MTX3: variants seen among roughly 807,000 people sequenced by gnomAD.
The protein encoded by MTX3 is metaxin-3.
In MTX3, 27 loss-of-function variants were observed where a neutral mutation model predicts 42.5. That is an observed-to-expected ratio of 0.64 (90% CI 0.47 to 0.88). MTX3 has a LOEUF of 0.88. MTX3 is among the 40% of genes least tolerant of loss of function. The probability of loss-of-function intolerance (pLI) is 0.00; values close to 1 mark genes in which losing one functional copy is unlikely to be tolerated. For synonymous variants in MTX3, 144 were observed against 132.9 expected (o/e 1.08, Z -0.57); for missense variants, 378 against 367.0 (o/e 1.03, Z -0.25).
At position 79,977,952 on chromosome 5, in the gene MTX3, A is replaced by C. The variant is rs1332978042; in HGVS notation, c.*5732T>G. The C allele has an allele frequency of 1.3e-5, 2 of 152,172 alleles. No homozygotes were observed. Among genetic ancestry groups the C allele is most frequent in the Admixed American group, 6.5e-5 (1 of 15,276 alleles). 9.4% of individuals were successfully genotyped at this position (152,172 alleles called of 1,614,324 possible). ...AATACAAGTTGGTTCCCTCTGTCTC[A>C]TGGATGCTTAGGAACTGGGTAGTCT... is the stretch of plus-strand genomic sequence containing the variant. On this transcript the variant is annotated 3_prime_UTR_variant, in exon 9 of 9. Coordinates refer to ENST00000512528, the MANE Select transcript of MTX3 (RefSeq NM_001363818.2).
At chr5:79,984,656 G>A (rs1831448853) in intron 8 of MTX3, among the ~76,000 whole-genome samples, 1 of 150,464 alleles carries the variant, frequency 6.6e-6, no homozygotes, top group Non-Finnish European at 1.5e-5. Context: ...TCAGTTACAG[G>A]GGAAAAAATA....
chr5:79,983,151 T>A lies in MTX3; in HGVS notation c.*533A>T. The stretch of plus-strand genomic sequence containing the variant: ...AGAGCATAATTAAAAAGCACATTCC[T>A]CCTCACTTTTTAAAGTTAAATATGG... On this transcript the variant is annotated 3_prime_UTR_variant, in exon 9 of 9. Transcript: ENST00000512528. The A allele has an allele frequency of 6.4e-6, 1 of 155,206 alleles. No individual in the cohort carries two copies. The highest frequency in any genetic ancestry group is 3.4e-3 in the Middle Eastern group (1 of 296). The allele number at this position is 155,206 out of a possible 1,614,324, so 9.6% of individuals were successfully genotyped here.
chr5:79,985,760 GC>G, intron 7 of MTX3, 101 bp from the exon 8 acceptor site: 1 of 707,980 alleles, frequency 1.4e-6, no homozygotes, highest in Non-Finnish European at 2.3e-6. Flanking sequence ...CCTGTCCAGT[GC>G]CCCACCCTCC....
In MTX3 at chr5:79,991,224, C is replaced by T; in HGVS notation, c.15G>A (p.Leu5=). The T allele has an allele frequency of 6.8e-7, 1 of 1,461,382 alleles. No individual in the cohort carries two copies. The highest frequency in any genetic ancestry group is 9.1e-7 in the Non-Finnish European group (1 of 1,102,494). The allele number at this position is 1,461,382 out of a possible 1,614,324, so 90.5% of individuals were successfully genotyped here. MAAP[L]ELSCWGGGWG... is the part of the protein sequence containing the mutation. ...AGCCGCCTCCCCAGCAACTGAGTTC[C>T]AAGGGGGCCGCCATCTTGCGCGGGC... The change falls in exon 1 of 9, where the codon TTG becomes TTA. Residue 5 remains leucine, a synonymous_variant. Coordinates refer to ENST00000512528, the MANE Select transcript of MTX3 (RefSeq NM_001363818.2).
Position 79,979,045 on chromosome 5 carries a change from C to T in MTX3, c.*4639G>A, listed in dbSNP as rs1831316664. The T allele has an allele frequency of 6.6e-6, 1 of 152,584 alleles. No individual in the cohort carries two copies. The highest frequency in any genetic ancestry group is 2.4e-5 in the African/African-American group (1 of 41,420). 9.5% of individuals were successfully genotyped at this position (152,584 alleles called of 1,614,324 possible). A position where few individuals can be genotyped will look rare whatever the true frequency, so the allele number is the denominator to read the frequency against. On this transcript the variant is annotated 3_prime_UTR_variant, in exon 9 of 9. Coordinates refer to ENST00000512528, the MANE Select transcript of MTX3 (RefSeq NM_001363818.2). ...ATTCTTATCAGAAATCCATGGCACA[C>T]TAGTCTGGAAAAAAATAATTTTGTG...
intron 3 of MTX3, 41 bp from the exon 4 acceptor site, chr5:79,989,285 G>A (rs1343819296): frequency 7.6e-7 from 1 of 1,307,712 alleles, no homozygotes. Flanking sequence ...AGAAGTCAAA[G>A]AGCAGCCCAA....
At position 79,977,906 on chromosome 5, in the gene MTX3, G is replaced by C. The variant is rs147138767; in HGVS notation, c.*5778C>G. On this transcript the variant is annotated 3_prime_UTR_variant, in exon 9 of 9. Transcript: ENST00000512528. The stretch of plus-strand genomic sequence containing the variant: ...GCACTTTTAAAGTACAGCCAGAAAA[G>C]GTTTGGAAAATTGTTCTGGAAATAC... The C allele has an allele frequency of 1.3e-5, 2 of 152,318 alleles. No individual in the cohort carries two copies. The highest frequency in any genetic ancestry group is 2.9e-5 in the Non-Finnish European group (2 of 68,036). The allele number at this position is 152,318 out of a possible 1,614,324, so 9.4% of individuals were successfully genotyped here. A position where few individuals can be genotyped will look rare whatever the true frequency, so the allele number is the denominator to read the frequency against.
chr5:79,990,286 G>A, intron 2 of MTX3, 50 bp from the exon 3 acceptor site: 1 of 1,260,324 alleles, frequency 7.9e-7, no homozygotes. Flanking sequence ...GATTTCCTCT[G>A]AGAGATTCCA....
chr5:79,985,143 G>T (rs945811776), intron 8 of MTX3, among the ~76,000 whole-genome samples: 1 of 152,162 alleles, frequency 6.6e-6, no homozygotes, highest in East Asian at 1.9e-4. Flanking sequence ...CACCATGCCC[G>T]GCTAATTTTT....
chr5:79,977,701 T>A lies in MTX3; in HGVS notation c.*5983A>T, dbSNP rs1419080482. On this transcript the variant is annotated 3_prime_UTR_variant, in exon 9 of 9. Coordinates refer to ENST00000512528, the MANE Select transcript of MTX3 (RefSeq NM_001363818.2). Reference sequence around the variant, plus strand: ...AGTGAGGTTTAAATGTTTTAGGATATAGAATCTGCTTAGAATTTAGTGAAA... The same window carrying A: ...AGTGAGGTTTAAATGTTTTAGGATAAAGAATCTGCTTAGAATTTAGTGAAA... 6.6e-6 allele frequency: 1 copy of A among 152,236 alleles called. No homozygotes were observed. The highest frequency in any genetic ancestry group is 2.4e-5 in the African/African-American group (1 of 41,474). The allele number at this position is 152,236 out of a possible 1,614,324, so 9.4% of individuals were successfully genotyped here.
At chr5:79,988,013 C>T (rs542459524) in intron 6 of MTX3, among the ~76,000 whole-genome samples, 39 of 152,254 alleles carry the variant, frequency 2.6e-4, no homozygotes, top group Admixed American at 1.8e-3. Context: ...GATGGGGTTT[C>T]GCCATGTTGG....
At position 79,989,141 on chromosome 5, in the gene MTX3, A is replaced by C. The variant is rs751768805; in HGVS notation, c.321+11T>G. ...GGCTACTAAAATACTGTAATATTTA[A>C]GAACACTCACCACTGCAGGGAGAAG... is the stretch of plus-strand genomic sequence containing the variant. On this transcript the variant is annotated intron_variant, in intron 4 of 8. Transcript: ENST00000512528. 2 of 1,560,948 alleles carry C rather than the reference A, an allele frequency of 1.3e-6. No homozygotes were observed. The highest frequency in any genetic ancestry group is 1.7e-6 in the Non-Finnish European group (2 of 1,146,902).
chr5:79,987,746 T>C (rs759701089), intron 6 of MTX3, among the ~76,000 whole-genome samples: 1 of 152,294 alleles, frequency 6.6e-6, no homozygotes, highest in Middle Eastern at 3.4e-3. Flanking sequence ...ATGCAGCCTA[T>C]TAAGTCAATG....
rs73770686 is a variant in MTX3, at chr5:79,986,708, C to G, written c.739+242G>C. 2.9e-3 allele frequency: 1,620 copies of G among 557,330 alleles called. 25 individuals are homozygous for G. The highest frequency in any genetic ancestry group is 0.027 in the African/African-American group (1,450 of 52,788). 34.5% of individuals were successfully genotyped at this position (557,330 alleles called of 1,614,324 possible). A position where few individuals can be genotyped will look rare whatever the true frequency, so the allele number is the denominator to read the frequency against. ...CTTCAAAGGGGTAATATTTAAAGAA[C>G]AAGAAGAAGAAACGTAAAAATCCAG... On this transcript the variant is annotated intron_variant, in intron 7 of 8. Transcript: ENST00000512528.
intron 7 of MTX3, among the ~76,000 whole-genome samples, chr5:79,986,049 G>T (rs1345439002): frequency 6.6e-6 from 1 of 151,616 alleles, no homozygotes; most frequent in East Asian, 1.9e-4. Flanking sequence ...GTTTTCTAAG[G>T]CAGTAACTCC....
Position 79,981,730 on chromosome 5 carries a change from T to C in MTX3, c.*1954A>G, listed in dbSNP as rs1831378618. ...TAATTTTAGAATCTGTCAGTGTTGA[T>C]ATGGTTCTATAAATTTTTAATTTTT... On this transcript the variant is annotated 3_prime_UTR_variant, in exon 9 of 9. Transcript: ENST00000512528. 1 of 152,016 alleles carries C rather than the reference T, an allele frequency of 6.6e-6. No homozygotes were observed. Among genetic ancestry groups the C allele is most frequent in the South Asian group, 2.1e-4 (1 of 4,828 alleles). The allele number at this position is 152,016 out of a possible 1,614,324, so 9.4% of individuals were successfully genotyped here.
rs1380362228 is a variant in MTX3 at position 79,988,461 on chromosome 5, C to A, written c.504+1G>T. On this transcript the variant is annotated splice_donor_variant, in intron 5 of 8. Transcript: ENST00000512528. LOFTEE classifies it high-confidence loss of function. Reference sequence around the variant, plus strand: ...TGCTTGAAGAATAATCCATACTATACCTGTGCTTCCACTTCTCGGAGGTGG... The same window carrying A: ...TGCTTGAAGAATAATCCATACTATAACTGTGCTTCCACTTCTCGGAGGTGG... The A allele has an allele frequency of 1.2e-6, 2 of 1,608,458 alleles. No homozygotes were observed. The highest frequency in any genetic ancestry group is 1.7e-5 in the Admixed American group (1 of 58,682).
intron 7 of MTX3, chr5:79,986,507 A>G: frequency 3.5e-6 from 1 of 286,284 alleles, no homozygotes; most frequent in South Asian, 3.3e-5. Context: ...TAGTGGAATC[A>G]TGGCAGTGTA....
chr5:79,987,096 A>T lies in MTX3; in HGVS notation c.593T>A (p.Leu198Ter), dbSNP rs774353335. The T allele has an allele frequency of 8.7e-6, 14 of 1,613,772 alleles. No homozygotes were observed. The highest frequency in any genetic ancestry group is 1.1e-5 in the Non-Finnish European group (13 of 1,179,806). Residue 198 changes from leucine to a stop codon, truncating the protein, a stop_gained, in exon 7 of 9, where the codon TTG (leucine) becomes TAG (stop). Coordinates refer to ENST00000512528, the MANE Select transcript of MTX3 (RefSeq NM_001363818.2). LOFTEE classifies it high-confidence loss of function. ...AAGAAAACCAAAAACATAGGCATCCAAGGTAGAAGGCCTAGAAATAAATTA... is the reference window on the plus strand; with the variant it reads ...AAGAAAACCAAAAACATAGGCATCCTAGGTAGAAGGCCTAGAAATAAATTA... The part of the protein sequence containing the change: ...QFFFGDTPST[L>*]DAYVFGFLAP...
Sources: allele counts gnomAD v4.1 joint callset (sites outside exome capture counted in the v4.1 genomes callset), GRCh38; gene constraint gnomAD v4.1.1; transcripts MANE v1.5; gene names NCBI Gene and HGNC (gene_info 2026-07-23, HGNC 2026-07-21).